Variants in IFT46 observed in about 807,000 individuals in gnomAD.
The protein encoded by IFT46 is intraflagellar transport protein 46 homolog.
Under a neutral mutation model 39.6 loss-of-function variants are expected in IFT46, and 19 were observed. The observed-to-expected ratio is 0.48, with a 90% confidence interval of 0.33 to 0.70. The LOEUF (loss-of-function observed/expected upper bound fraction) is 0.70, where lower values mean the gene tolerates loss of function less well. Among genes scored for constraint, IFT46 ranks in the 30% least tolerant of loss-of-function variants. The pLI, the probability that IFT46 is intolerant of heterozygous loss-of-function variation, is 0.01. For synonymous variants in IFT46, 117 were observed against 134.8 expected, an observed-to-expected ratio of 0.87 and a Z score of 0.91; for missense variants, 334 against 364.8, an observed-to-expected ratio of 0.92 and a Z score of 0.69.
At chr11:118,561,482 T>C in intron 2 of IFT46, 1 of 782,736 alleles carries the variant, frequency 1.3e-6, no homozygotes, top group Non-Finnish European at 2.2e-6. Context: ...AAAGAATAGG[T>C]GGAACTGTCC....
chr11:118,572,786 G>A, exon 1 of IFT46: 3 of 473,110 alleles, frequency 6.3e-6, no homozygotes, highest in Non-Finnish European at 1.1e-5. Context: ...CCAACCAGCT[G>A]GACTCCCTCG....
intron 1 of IFT46, among the ~76,000 whole-genome samples, chr11:118,571,919 C>G (rs1339614345): frequency 6.6e-6 from 1 of 151,982 alleles, no homozygotes; most frequent in Non-Finnish European, 1.5e-5. Context: ...GAAACCCCGT[C>G]TCAACTAAAA....
rs1203781502 is a variant in IFT46, at chr11:118,552,234, A to G, written c.585T>C (p.Pro195=). Residue 195 remains proline (P), a synonymous_variant, in exon 8 of 12, where the codon CCT becomes CCC. Transcript: ENST00000264021. ...SISELHRSKP[P]ATVHYTRPMP... is the part of the protein sequence containing the mutation. ...CTTACCTGGTGTAGTGCACAGTCGC[A>G]GGGGGCTTAGAACGGTGTAATTCAG... The G allele has an allele frequency of 6.2e-7, 1 of 1,613,982 alleles. No homozygotes were observed. The highest frequency in any genetic ancestry group is 1.7e-5 in the Admixed American group (1 of 59,980).
chr11:118,568,919 A>G (rs11216903), upstream of IFT46, among the ~76,000 whole-genome samples: 1 of 151,724 alleles, frequency 6.6e-6, no homozygotes, highest in Non-Finnish European at 1.5e-5. Context: ...GCCTCCCAAA[A>G]TGCTGGGATT....
At chr11:118,549,685 T>C (rs998223720) in intron 9 of IFT46, among the ~76,000 whole-genome samples, 4 of 151,354 alleles carry the variant, frequency 2.6e-5, no homozygotes, top group African/African-American at 9.7e-5. Flanking sequence ...CCACCACGCC[T>C]GGCTAATTAT....
chr11:118,544,981 C>T lies in IFT46; in HGVS notation c.850G>A (p.Ala284Thr), dbSNP rs782374152. Residue 284 changes from alanine to threonine, a missense_variant, in exon 12 of 12, where the codon GCA (alanine) becomes ACA (threonine). Transcript: ENST00000264021. ...HFKALAEGKK[A>T]FTPSSNSTSQ... ...GTGGAATTGGATGAAGGAGTGAATGCTTTCTTGCCTTCAGCGAGAGCTTTA... is the reference window on the plus strand; with the variant it reads ...GTGGAATTGGATGAAGGAGTGAATGTTTTCTTGCCTTCAGCGAGAGCTTTA... 1.9e-6 allele frequency: 3 copies of T among 1,613,538 alleles called. No homozygotes were observed. In the South Asian group the frequency reaches 3.3e-5, roughly 18 times the overall value.
At chr11:118,555,507 A>G in intron 4 of IFT46, 185 bp from the exon 5 acceptor site, 1 of 526,610 alleles carries the variant, frequency 1.9e-6, no homozygotes. Flanking sequence ...ACTCTCAATT[A>G]TCTCTGACTC....
intron 2 of IFT46, chr11:118,561,038 A>T (rs1938039489): frequency 1.3e-6 from 2 of 1,519,122 alleles, no homozygotes; most frequent in South Asian, 2.2e-5. Flanking sequence ...CATGGACAAG[A>T]TCTATGAAGG....
upstream of IFT46, among the ~76,000 whole-genome samples, chr11:118,574,241 A>G (rs1938429268): frequency 6.6e-6 from 1 of 152,174 alleles, no homozygotes. Context: ...TTATCTCAGT[A>G]CATTCTGCTC....
intron 9 of IFT46, among the ~76,000 whole-genome samples, chr11:118,550,580 T>C (rs1375896860): frequency 3.3e-5 from 5 of 152,186 alleles, no homozygotes; most frequent in Admixed American, 1.3e-4. Flanking sequence ...CCCAAAATTA[T>C]AGGACTACAG....
At chr11:118,550,612 C>A (rs1054478284) in intron 9 of IFT46, among the ~76,000 whole-genome samples, 14 of 152,258 alleles carry the variant, frequency 9.2e-5, no homozygotes, top group Non-Finnish European at 1.9e-4. Flanking sequence ...TGTGCCCGGC[C>A]CACATTAACT....
chr11:118,574,426 A>G (rs573129557), upstream of IFT46, among the ~76,000 whole-genome samples: 3 of 152,278 alleles, frequency 2.0e-5, no homozygotes, highest in East Asian at 3.9e-4. Context: ...AAATTTTCCA[A>G]CATCTGGAAA....
upstream of IFT46, among the ~76,000 whole-genome samples, chr11:118,566,327 C>G (rs191540703): frequency 3.5e-4 from 54 of 152,280 alleles, no homozygotes; most frequent in African/African-American, 1.3e-3. Context: ...ATAGTCTTTC[C>G]CCTCCACAGG....
chr11:118,573,381 T>G (rs1267413586), upstream of IFT46, among the ~76,000 whole-genome samples: 3 of 152,182 alleles, frequency 2.0e-5, no homozygotes, highest in African/African-American at 7.2e-5. Flanking sequence ...TCCCATGCGT[T>G]ATCTTTGTAT....
Position 118,556,954 on chromosome 11 carries a change from T to G in IFT46, c.137A>C (p.Asp46Ala), listed in dbSNP as rs369525032. The G allele has an allele frequency of 3.7e-6, 6 of 1,609,514 alleles. No homozygotes were observed. The African/African-American group carries it at 6.7e-5, about 18-fold the overall frequency. Residue 46 changes from aspartate (D) to alanine (A), a missense_variant, in exon 4 of 12, where the codon GAT becomes GCT. Coordinates refer to ENST00000264021, the MANE Select transcript of IFT46 (RefSeq NM_001168618.2). ...TTCATCATCATCATCAGAATCAGAATCAGTTTCAGATGAATCATCATCATC... is the reference window on the plus strand; with the variant it reads ...TTCATCATCATCATCAGAATCAGAAGCAGTTTCAGATGAATCATCATCATC... ...DDDDDDSSET[D>A]SDSDDDDEEH...
At chr11:118,567,095 T>A (rs561306081), upstream of IFT46, among the ~76,000 whole-genome samples, 565 of 150,706 alleles carry the variant, frequency 3.7e-3, 6 homozygotes, top group South Asian at 0.027. Context: ...AAAAAAAAAA[T>A]TTTTTTTAAT....
At chr11:118,559,728 C>T in intron 3 of IFT46, 57 bp downstream of exon 3, 1 of 1,377,130 alleles carries the variant, frequency 7.3e-7, no homozygotes. Context: ...GGTGTCATCT[C>T]TAACTACTAA....
intron 8 of IFT46, 133 bp from the exon 9 acceptor site, chr11:118,551,985 T>TTCA: frequency 9.6e-7 from 1 of 1,038,434 alleles, no homozygotes. Context: ...GAACCTAGAC[T>TTCA]GGGCATACCA....
chr11:118,567,085 A>T (rs557446842), upstream of IFT46, among the ~76,000 whole-genome samples: 21 of 151,116 alleles, frequency 1.4e-4, no homozygotes, highest in South Asian at 2.5e-3. Flanking sequence ...TATTAAAAAT[A>T]AAAAAAAAAT....
Sources: allele counts gnomAD v4.1 joint callset (sites outside exome capture counted in the v4.1 genomes callset), GRCh38; gene constraint gnomAD v4.1.1; transcripts MANE v1.5; gene names NCBI Gene and HGNC (gene_info 2026-07-23, HGNC 2026-07-21).